SENP6: variants seen among roughly 807,000 people sequenced by gnomAD.
The protein encoded by SENP6 is SUMO specific peptidase 6, also known as sentrin-specific protease 6.
SENP6 carries 41 observed loss-of-function variants against 134.5 expected under a neutral mutation model. The ratio of observed to expected loss-of-function variants is 0.30; its 90% CI spans 0.24 to 0.40. SENP6 has a LOEUF of 0.40. SENP6 is among the 10% of genes least tolerant of loss of function. The probability of loss-of-function intolerance (pLI) is 1.00; values close to 1 mark genes in which losing one functional copy is unlikely to be tolerated. For missense variants in SENP6, 1,248 were observed against 1,312.5 expected (o/e 0.95, Z 0.76); for synonymous variants, 395 against 429.8 (o/e 0.92, Z 1.00).
chr6:75,609,538 A>G (rs1767284477), intron 1 of SENP6, among the ~76,000 whole-genome samples: 1 of 152,178 alleles, frequency 6.6e-6, no homozygotes, highest in Non-Finnish European at 1.5e-5. Context: ...TAATCTATAC[A>G]GCCATCTTTT....
At chr6:75,662,648 A>C (rs1771876036) in intron 8 of SENP6, among the ~76,000 whole-genome samples, 1 of 152,166 alleles carries the variant, frequency 6.6e-6, no homozygotes, top group African/African-American at 2.4e-5. Context: ...ATTCTCACAG[A>C]GTTCCAAGAT....
At chr6:75,683,515 T>A (rs1773608826) in intron 16 of SENP6, among the ~76,000 whole-genome samples, 1 of 152,204 alleles carries the variant, frequency 6.6e-6, no homozygotes, top group Non-Finnish European at 1.5e-5. Context: ...TCTTCTAGGG[T>A]TTTTATGGTT....
At chr6:75,708,858 C>T (rs1265487950) in intron 19 of SENP6, among the ~76,000 whole-genome samples, 1 of 152,078 alleles carries the variant, frequency 6.6e-6, no homozygotes, top group African/African-American at 2.4e-5. Flanking sequence ...TGTGCCACTG[C>T]ACTCCAGCCT....
chr6:75,642,163 T>C (rs1770078569), intron 6 of SENP6, among the ~76,000 whole-genome samples: 2 of 152,208 alleles, frequency 1.3e-5, no homozygotes, highest in Non-Finnish European at 2.9e-5. Context: ...TCATTCCAAG[T>C]ATTTATCGAA....
intron 11 of SENP6, among the ~76,000 whole-genome samples, chr6:75,675,165 C>T (rs1040465174): frequency 1.3e-5 from 2 of 151,362 alleles, no homozygotes; most frequent in African/African-American, 4.9e-5. Context: ...GCACATGTAC[C>T]CCTGAACCTA....
rs560193398 is a variant in SENP6 at position 75,677,384 on chromosome 6, T to C, written c.1848+128T>C. On this transcript the variant is annotated intron_variant, in intron 14 of 23. Coordinates refer to ENST00000447266, the MANE Select transcript of SENP6 (RefSeq NM_015571.4). ...AATTTTATTTCAGAATTACTTACTT[T>C]TATGTGTGATTTGTAAACTACCTTG... The C allele has an allele frequency of 1.1e-4, 85 of 750,958 alleles. 2 individuals carry two copies. The South Asian group carries it at 2.1e-3, about 19-fold the overall frequency. 46.5% of individuals were successfully genotyped at this position (750,958 alleles called of 1,614,324 possible).
intron 6 of SENP6, chr6:75,646,539 TA>T (rs1363378368): frequency 6.6e-6 from 1 of 152,220 alleles, no homozygotes; most frequent in East Asian, 1.9e-4. Flanking sequence ...ACTGCTATTA[TA>T]AGTACACTAC....
chr6:75,651,120 A>C (rs887051316), intron 7 of SENP6, among the ~76,000 whole-genome samples: 4 of 152,112 alleles, frequency 2.6e-5, no homozygotes, highest in Admixed American at 2.6e-4. Flanking sequence ...TTGCTTTAAA[A>C]ATTTTTTCTA....
At chr6:75,707,151 TA>T (rs1775455008) in intron 19 of SENP6, among the ~76,000 whole-genome samples, 1 of 152,146 alleles carries the variant, frequency 6.6e-6, no homozygotes, top group Admixed American at 6.6e-5. Context: ...GTAAGGTAGA[TA>T]GATATTTATA....
At chr6:75,706,653 A>C (rs1562074218) in intron 19 of SENP6, among the ~76,000 whole-genome samples, 1 of 151,956 alleles carries the variant, frequency 6.6e-6, no homozygotes, top group Non-Finnish European at 1.5e-5. Context: ...TTTTTGAATT[A>C]TAGTTTGTAC....
At chr6:75,634,604 G>A in intron 4 of SENP6, 103 bp from the exon 5 acceptor site, 4 of 583,888 alleles carry the variant, frequency 6.9e-6, no homozygotes, top group Non-Finnish European at 8.5e-6. Flanking sequence ...GTTGTTGTTG[G>A]TAAAGGTTTT....
In SENP6 at chr6:75,715,987, T is replaced by A. The variant is rs913751029; in HGVS notation, c.*393T>A. 1 of 155,376 alleles carries A rather than the reference T, an allele frequency of 6.4e-6. No individual in the cohort carries two copies. Among genetic ancestry groups the A allele is most frequent in the Admixed American group, 6.5e-5 (1 of 15,464 alleles). 9.6% of individuals were successfully genotyped at this position (155,376 alleles called of 1,614,324 possible). On this transcript the variant is annotated 3_prime_UTR_variant, in exon 24 of 24. Coordinates refer to ENST00000447266, the MANE Select transcript of SENP6 (RefSeq NM_015571.4). ...CATATTTCATGGGAATATTCAAATA[T>A]CTATGGTAATATTTTGACCCTTTAT...
At chr6:75,613,060 G>A (rs769354411) in intron 1 of SENP6, among the ~76,000 whole-genome samples, 21 of 151,928 alleles carry the variant, frequency 1.4e-4, no homozygotes, top group Non-Finnish European at 2.4e-4. Context: ...GTTGCAGTGA[G>A]CCGAGATTGT....
chr6:75,638,850 G>A (rs951454088), intron 5 of SENP6, among the ~76,000 whole-genome samples: 11 of 151,472 alleles, frequency 7.3e-5, no homozygotes, highest in African/African-American at 2.7e-4. Flanking sequence ...CTGAGCCCAG[G>A]AGTTCGAGAC....
At chr6:75,647,944 G>A (rs1770586011) in intron 7 of SENP6, 143 bp downstream of exon 7, 1 of 483,066 alleles carries the variant, frequency 2.1e-6, no homozygotes, top group Non-Finnish European at 3.7e-6. Context: ...ACTGATTTGA[G>A]AATTTCTTCA....
intron 1 of SENP6, among the ~76,000 whole-genome samples, chr6:75,613,636 A>G (rs1767630365): frequency 1.3e-5 from 2 of 152,176 alleles, no homozygotes; most frequent in Admixed American, 6.5e-5. Context: ...GCACTAAATG[A>G]TAATGAAAAT....
intron 6 of SENP6, among the ~76,000 whole-genome samples, chr6:75,644,848 G>A (rs1179932743): frequency 1.3e-5 from 2 of 152,138 alleles, no homozygotes; most frequent in Non-Finnish European, 2.9e-5. Flanking sequence ...CTTTTTTGAC[G>A]TGTGATGGCA....
chr6:75,699,959 G>A (rs532560936), intron 18 of SENP6, among the ~76,000 whole-genome samples: 53 of 152,200 alleles, frequency 3.5e-4, no homozygotes, highest in African/African-American at 1.2e-3. Flanking sequence ...TGCCCAAGCT[G>A]GAGTACAGTG....
intron 7 of SENP6, among the ~76,000 whole-genome samples, chr6:75,655,899 T>C (rs556856824): frequency 1.6e-4 from 24 of 152,242 alleles, no homozygotes; most frequent in African/African-American, 5.8e-4. Context: ...TGTGCATACC[T>C]GGAAATAGTG....
Sources: gnomAD v4.1 joint callset for allele counts (sites outside exome capture counted in the v4.1 genomes callset) on GRCh38, gnomAD v4.1.1 for gene constraint, MANE v1.5 for transcripts, NCBI Gene and HGNC (gene_info 2026-07-23, HGNC 2026-07-21) for gene names.